Variants in ZNF385D observed in about 807,000 individuals in gnomAD.
ZNF385D encodes zinc finger protein 385D.
In ZNF385D, 15 loss-of-function variants were observed where a neutral mutation model predicts 35.8. The ratio of observed to expected loss-of-function variants is 0.42; its 90% CI spans 0.28 to 0.64. The LOEUF is 0.64. Ranked by LOEUF, ZNF385D falls within the 30% of genes least tolerant of loss-of-function variation. ZNF385D has a pLI of 0.23. For missense variants in ZNF385D, 474 were observed against 494.6 expected (o/e 0.96, Z 0.39); for synonymous variants, 212 against 186.8 (o/e 1.13, Z -1.10).
intron 3 of ZNF385D, among the ~76,000 whole-genome samples, chr3:21,544,393 A>G (rs1176089728): frequency 6.6e-6 from 1 of 152,176 alleles, no homozygotes; most frequent in Non-Finnish European, 1.5e-5. Flanking sequence ...ATTACTAGAA[A>G]TGGATTTGCA....
intron 2 of ZNF385D, among the ~76,000 whole-genome samples, chr3:22,181,559 G>A (rs150532726): frequency 0.015 from 2,282 of 152,098 alleles, 54 homozygotes; most frequent in African/African-American, 0.052. Flanking sequence ...TTAGCCGGTC[G>A]CAGTGGCGGG....
chr3:21,868,332 A>C (rs1559706828), intron 3 of ZNF385D, among the ~76,000 whole-genome samples: 1 of 152,128 alleles, frequency 6.6e-6, no homozygotes, highest in Non-Finnish European at 1.5e-5. Flanking sequence ...GCCATATTTA[A>C]AGACCCCTGC....
At chr3:21,899,751 A>G (rs547017403) in intron 3 of ZNF385D, among the ~76,000 whole-genome samples, 2 of 152,226 alleles carry the variant, frequency 1.3e-5, no homozygotes, top group East Asian at 3.9e-4. Context: ...ACTAAACATA[A>G]TATATTTGCT....
At chr3:21,583,853 G>C (rs2063734384) in intron 2 of ZNF385D, among the ~76,000 whole-genome samples, 1 of 150,420 alleles carries the variant, frequency 6.6e-6, no homozygotes, top group Non-Finnish European at 1.5e-5. Context: ...TTTGAATCAG[G>C]ATCTCAAATT....
chr3:21,994,419 C>G (rs1211752304), intron 3 of ZNF385D, among the ~76,000 whole-genome samples: 1 of 152,080 alleles, frequency 6.6e-6, no homozygotes, highest in Non-Finnish European at 1.5e-5. Context: ...TGTTGAATTT[C>G]TTATTCAGAT....
At chr3:22,079,968 A>G (rs1366401796) in intron 3 of ZNF385D, among the ~76,000 whole-genome samples, 1 of 152,072 alleles carries the variant, frequency 6.6e-6, no homozygotes, top group Non-Finnish European at 1.5e-5. Context: ...GTATTCTAAA[A>G]GCACCAGAGC....
intron 3 of ZNF385D, among the ~76,000 whole-genome samples, chr3:22,165,423 G>C (rs1706249049): frequency 6.6e-6 from 1 of 152,180 alleles, no homozygotes; most frequent in Admixed American, 6.5e-5. Context: ...TATGGGAGCT[G>C]ATCAGTTGCA....
chr3:21,903,582 A>G (rs1166633771), intron 3 of ZNF385D, among the ~76,000 whole-genome samples: 1 of 152,182 alleles, frequency 6.6e-6, no homozygotes, highest in Non-Finnish European at 1.5e-5. Context: ...GATCATGGTG[A>G]TGATTGCAGT....
intron 3 of ZNF385D, among the ~76,000 whole-genome samples, chr3:22,110,040 CTCA>C (rs1278053413): frequency 6.6e-6 from 1 of 152,064 alleles, no homozygotes; most frequent in Non-Finnish European, 1.5e-5. Context: ...TGAAAAAATG[CTCA>C]TCATCACTGA....
chr3:22,188,211 AT>A (rs1695770572), intron 2 of ZNF385D, among the ~76,000 whole-genome samples: 1 of 152,180 alleles, frequency 6.6e-6, no homozygotes, highest in Non-Finnish European at 1.5e-5. Flanking sequence ...CATTAGATTT[AT>A]TTTAGTAAGT....
At chr3:22,331,934 T>G (rs1046332950) in intron 2 of ZNF385D, among the ~76,000 whole-genome samples, 1 of 152,154 alleles carries the variant, frequency 6.6e-6, no homozygotes, top group Non-Finnish European at 1.5e-5. Context: ...GATTTAAAAT[T>G]TGTGGTCTTG....
intron 2 of ZNF385D, among the ~76,000 whole-genome samples, chr3:22,266,780 G>C (rs977687394): frequency 2.6e-5 from 4 of 151,854 alleles, no homozygotes; most frequent in African/African-American, 9.7e-5. Context: ...TGATAAGTCT[G>C]CTCAGATATT....
At chr3:22,189,623 A>G (rs938219417) in intron 2 of ZNF385D, among the ~76,000 whole-genome samples, 1 of 152,174 alleles carries the variant, frequency 6.6e-6, no homozygotes, top group Admixed American at 6.6e-5. Context: ...TAAAGTGTTA[A>G]TAAATTCTTT....
intron 3 of ZNF385D, among the ~76,000 whole-genome samples, chr3:21,537,043 A>G (rs1042423936): frequency 1.3e-5 from 2 of 151,988 alleles, no homozygotes; most frequent in Admixed American, 6.6e-5. Context: ...CTAAGTAATC[A>G]AGATGAATAA....
At chr3:21,784,725 A>C (rs1167908539) in intron 3 of ZNF385D, among the ~76,000 whole-genome samples, 1 of 152,030 alleles carries the variant, frequency 6.6e-6, no homozygotes, top group Non-Finnish European at 1.5e-5. Flanking sequence ...AGATATTTTA[A>C]AAAGTCATAA....
intron 2 of ZNF385D, among the ~76,000 whole-genome samples, chr3:22,316,373 A>T (rs6784418): frequency 1.5e-3 from 227 of 152,338 alleles, no homozygotes; most frequent in African/African-American, 4.8e-3. Flanking sequence ...TCTGTGTGGC[A>T]GGCAATTAAT....
rs149911453 is a variant in ZNF385D, at chr3:22,087,381, C to G, written c.325+81436G>C. Reference sequence around the variant, plus strand: ...AAAAAGATGATATTACTCAGTCTCCCTTAAAAACATATATGTTATGGAACT... The same window carrying G: ...AAAAAGATGATATTACTCAGTCTCCGTTAAAAACATATATGTTATGGAACT... On this transcript the variant is annotated intron_variant, in intron 3 of 5. Transcript: ENST00000494108. Among the ~76,000 whole-genome samples the G allele has an allele frequency of 1.7e-3, 255 of 152,222 alleles. 2 individuals carry two copies. Among genetic ancestry groups the G allele is most frequent in the African/African-American group, 5.7e-3 (237 of 41,546 alleles).
intron 2 of ZNF385D, among the ~76,000 whole-genome samples, chr3:21,649,568 G>A (rs891766000): frequency 6.6e-6 from 1 of 152,064 alleles, no homozygotes; most frequent in African/African-American, 2.4e-5. Flanking sequence ...AGAAATCCTG[G>A]CAAAGCAACT....
At chr3:21,751,279 T>G (rs1575589017), upstream of ZNF385D, 8 of 1,062,690 alleles carry the variant, frequency 7.5e-6, no homozygotes, top group Non-Finnish European at 9.0e-6. Context: ...CTCCACGAGG[T>G]GCTCCGACTG....
Sources: gnomAD v4.1 joint callset for allele counts (sites outside exome capture counted in the v4.1 genomes callset) on GRCh38, gnomAD v4.1.1 for gene constraint, MANE v1.5 for transcripts, NCBI Gene and HGNC (gene_info 2026-07-23, HGNC 2026-07-21) for gene names.